The following STXBP5L variants were observed in gnomAD, a reference collection of about 807,000 sequenced individuals.
STXBP5L encodes the protein syntaxin-binding protein 5-like.
A neutral mutation model predicts 144.5 loss-of-function variants in STXBP5L; 65 were observed. The ratio of observed to expected loss-of-function variants is 0.45; its 90% confidence interval spans 0.37 to 0.55. STXBP5L has a LOEUF of 0.55. STXBP5L is among the 20% of genes least tolerant of loss of function. The probability of loss-of-function intolerance (pLI) is 0.00; values close to 1 mark genes in which losing one functional copy is unlikely to be tolerated. For missense variants in STXBP5L, 1,298 were observed against 1,405.5 expected (o/e 0.92, Z 1.22); for synonymous variants, 505 against 469.6 (o/e 1.08, Z -0.97).
At chr3:121,295,695 T>G (rs1375333669) in intron 19 of STXBP5L, among the ~76,000 whole-genome samples, 3 of 152,174 alleles carry the variant, frequency 2.0e-5, no homozygotes, top group Non-Finnish European at 4.4e-5. Flanking sequence ...TATTTGGCAA[T>G]GTCTGTGAAC....
Position 121,121,203 on chromosome 3 carries a change from G to T in STXBP5L, c.606-438G>T, listed in dbSNP as rs573917650. Among the ~76,000 whole-genome samples, 3 of 151,208 alleles carry T rather than the reference G, an allele frequency of 2.0e-5. No homozygotes were observed. The South Asian group carries it at 6.2e-4, about 31-fold the overall frequency. ...AGTGCCACTGTACTTTTCTTTAGGG[G>T]AAAATAATCAGAGGAGATTTCGTGT... is the stretch of plus-strand genomic sequence containing the variant. On this transcript the variant is annotated intron_variant, in intron 6 of 26. Coordinates refer to ENST00000471454, the MANE Select transcript of STXBP5L (RefSeq NM_001308330.2).
chr3:120,951,171 T>TA (rs1331454865), intron 2 of STXBP5L, among the ~76,000 whole-genome samples: 1 of 152,136 alleles, frequency 6.6e-6, no homozygotes, highest in Non-Finnish European at 1.5e-5. Flanking sequence ...ATTAAAGACT[T>TA]AAACATTAGA....
intron 7 of STXBP5L, among the ~76,000 whole-genome samples, chr3:121,122,716 A>G (rs2044522849): frequency 6.6e-6 from 1 of 151,534 alleles, no homozygotes. Flanking sequence ...CCAATGTTTA[A>G]TAAACATTAA....
chr3:121,153,527 C>A (rs1200413333), intron 8 of STXBP5L, among the ~76,000 whole-genome samples: 1 of 151,928 alleles, frequency 6.6e-6, no homozygotes, highest in Admixed American at 6.6e-5. Context: ...TTTTAGAACA[C>A]TTCCTTATTT....
chr3:121,337,485 A>T (rs1232227939), intron 20 of STXBP5L, among the ~76,000 whole-genome samples: 1 of 151,636 alleles, frequency 6.6e-6, no homozygotes, highest in East Asian at 1.9e-4. Flanking sequence ...TAAAAGAATC[A>T]ATCCCCAGCA....
chr3:120,920,382 A>G (rs1378494016), intron 2 of STXBP5L, among the ~76,000 whole-genome samples: 10 of 151,754 alleles, frequency 6.6e-5, no homozygotes. Context: ...TGCATAATAG[A>G]TGCACATATT....
intron 9 of STXBP5L, among the ~76,000 whole-genome samples, chr3:121,201,935 T>C (rs138985709): frequency 6.6e-6 from 1 of 152,288 alleles, no homozygotes; most frequent in East Asian, 1.9e-4. Context: ...CTTGTATTTT[T>C]AGTAAGGACA....
chr3:121,357,505 C>G (rs1475111018), intron 20 of STXBP5L: 1 of 152,270 alleles, frequency 6.6e-6, no homozygotes, highest in African/African-American at 2.4e-5. Context: ...AGCAAGATGC[C>G]TTTTGATTAG....
intron 3 of STXBP5L, among the ~76,000 whole-genome samples, chr3:120,976,902 CTG>C (rs1941101363): frequency 6.6e-6 from 1 of 152,018 alleles, no homozygotes; most frequent in Non-Finnish European, 1.5e-5. Flanking sequence ...GCACTGTGGT[CTG>C]AGAGACAGTT....
intron 3 of STXBP5L, among the ~76,000 whole-genome samples, chr3:121,008,144 T>C (rs1944488927): frequency 6.6e-6 from 1 of 151,966 alleles, no homozygotes. Context: ...AAGCTGTGCT[T>C]TCTCCATTTG....
At chr3:121,001,389 A>G (rs1576622185) in intron 3 of STXBP5L, among the ~76,000 whole-genome samples, 1 of 152,308 alleles carries the variant, frequency 6.6e-6, no homozygotes, top group East Asian at 1.9e-4. Flanking sequence ...CAGACTGGTC[A>G]CATCCCACAG....
intron 3 of STXBP5L, among the ~76,000 whole-genome samples, chr3:120,986,209 A>G (rs942324949): frequency 1.4e-4 from 21 of 151,880 alleles, no homozygotes; most frequent in African/African-American, 4.3e-4. Flanking sequence ...GCAGTTTTAC[A>G]TCTGTTGATT....
intron 19 of STXBP5L, among the ~76,000 whole-genome samples, chr3:121,307,065 G>A (rs1216240889): frequency 6.6e-6 from 1 of 152,048 alleles, no homozygotes; most frequent in Non-Finnish European, 1.5e-5. Flanking sequence ...ACTGAATACT[G>A]TGCCTTCTGA....
At chr3:121,372,758 T>A (rs1039331328) in intron 20 of STXBP5L, among the ~76,000 whole-genome samples, 7 of 152,064 alleles carry the variant, frequency 4.6e-5, no homozygotes, top group African/African-American at 1.4e-4. Flanking sequence ...GTGGGAGATG[T>A]TCCCCTGGCT....
chr3:121,250,428 T>TA (rs2049993396), intron 14 of STXBP5L, among the ~76,000 whole-genome samples: 1 of 152,034 alleles, frequency 6.6e-6, no homozygotes, highest in Admixed American at 6.6e-5. Context: ...TACATGAAAA[T>TA]ATGTTGTTCA....
intron 20 of STXBP5L, among the ~76,000 whole-genome samples, chr3:121,327,897 A>G (rs2044202723): frequency 6.6e-6 from 1 of 152,180 alleles, no homozygotes; most frequent in Non-Finnish European, 1.5e-5. Context: ...ACTGGATTAC[A>G]TATGGTACTT....
chr3:121,087,996 A>G (rs991773174), intron 5 of STXBP5L, among the ~76,000 whole-genome samples: 4 of 152,008 alleles, frequency 2.6e-5, no homozygotes, highest in Non-Finnish European at 5.9e-5. Context: ...GTTTTTCCCT[A>G]TATATATTAT....
intron 20 of STXBP5L, among the ~76,000 whole-genome samples, chr3:121,355,694 C>T (rs1013810689): frequency 8.5e-5 from 13 of 152,134 alleles, no homozygotes; most frequent in Non-Finnish European, 1.8e-4. Context: ...TCTGTCAACT[C>T]GTTAAAGTCA....
chr3:120,955,984 A>T (rs1292481023), intron 3 of STXBP5L, among the ~76,000 whole-genome samples: 1 of 151,952 alleles, frequency 6.6e-6, no homozygotes, highest in Admixed American at 6.6e-5. Context: ...ATTCCTTTAT[A>T]CTGAATTGGA....
Sources: allele counts gnomAD v4.1 joint callset (sites outside exome capture counted in the v4.1 genomes callset), GRCh38; gene constraint gnomAD v4.1.1; transcripts MANE v1.5; gene names NCBI Gene and HGNC (gene_info 2026-07-23, HGNC 2026-07-21).